Variants in ATM observed in about 807,000 individuals in gnomAD.
The protein encoded by ATM is ATM serine/threonine kinase.
A neutral mutation model predicts 387.0 loss-of-function variants in ATM; 308 were observed. The ratio of observed to expected loss-of-function variants is 0.80; its 90% CI spans 0.73 to 0.87. The LOEUF is 0.87. Among genes scored for constraint, ATM ranks in the 40% least tolerant of loss-of-function variants. The probability of loss-of-function intolerance (pLI) is 0.00; values close to 1 mark genes in which losing one functional copy is unlikely to be tolerated. For missense variants in ATM, 3,312 were observed against 3,560.9 expected (o/e 0.93, Z 1.78); for synonymous variants, 1,156 against 1,187.3 (o/e 0.97, Z 0.54).
In ATM at chr11:108,299,711, T is replaced by A. The variant is rs761297488; in HGVS notation, c.5006-3T>A. On this transcript the variant is annotated splice_polypyrimidine_tract_variant and splice_region_variant and intron_variant, in intron 33 of 62. Coordinates refer to ENST00000675843, the MANE Select transcript of ATM (RefSeq NM_000051.4). ...TCTACTGAAATAGAATTTCTATATGTAGAGGCTGTTGGAAGCTGCTTGGGA... is the reference window on the plus strand; with the variant it reads ...TCTACTGAAATAGAATTTCTATATGAAGAGGCTGTTGGAAGCTGCTTGGGA... The A allele has an allele frequency of 6.2e-7, 1 of 1,613,454 alleles. No homozygotes were observed. Among genetic ancestry groups the A allele is most frequent in the Non-Finnish European group, 8.5e-7 (1 of 1,179,682 alleles).
chr11:108,261,659 A>G (rs1250730877), intron 16 of ATM, among the ~76,000 whole-genome samples: 2 of 152,140 alleles, frequency 1.3e-5, no homozygotes, highest in Non-Finnish European at 2.9e-5. Context: ...CTGAGAGAAG[A>G]AGGCTTCAGA....
intron 54 of ATM, 38 bp downstream of exon 54, chr11:108,334,006 ATTTT>A: frequency 6.7e-7 from 1 of 1,487,610 alleles, no homozygotes; most frequent in East Asian, 2.3e-5. Context: ...TTTAAACTAA[ATTTT>A]TTTTATTAGA....
intron 52 of ATM, 85 bp from the exon 53 acceptor site, chr11:108,332,677 C>A: frequency 1.4e-6 from 2 of 1,402,966 alleles, no homozygotes; most frequent in Non-Finnish European, 9.8e-7. Flanking sequence ...TGCATAAATT[C>A]TGTTTTTCTC....
intron 17 of ATM, 100 bp from the exon 18 acceptor site, chr11:108,268,310 A>G (rs2081372733): frequency 5.2e-6 from 6 of 1,143,250 alleles, no homozygotes; most frequent in African/African-American, 3.1e-5. Context: ...TTTGCTTTTC[A>G]TATACTTTTT....
chr11:108,257,511 ACT>A lies in ATM; in HGVS notation c.2284_2285del (p.Leu762ValfsTer2), dbSNP rs587781658. 1.7e-5 allele frequency: 27 copies of A among 1,613,674 alleles called. No individual in the cohort carries two copies. The highest frequency in any genetic ancestry group is 2.1e-5 in the Non-Finnish European group (25 of 1,179,798). On this transcript the variant is annotated frameshift_variant, in exon 15 of 63. Coordinates refer to ENST00000675843, the MANE Select transcript of ATM (RefSeq NM_000051.4). LOFTEE classifies it high-confidence loss of function. The part of the protein sequence containing the change: ...SLMQCAGESI[T>X]LFKNKTNEEF... Reference sequence around the variant, plus strand: ...AATGCAATGTGCAGGAGAAAGTATCACTCTGTTTAAAAATAAGACAAATGAGG... The same window carrying A: ...AATGCAATGTGCAGGAGAAAGTATCACTGTTTAAAAATAAGACAAATGAGG...
chr11:108,345,923 C>T lies in ATM; in HGVS notation c.8584+15C>T. On this transcript the variant is annotated intron_variant, in intron 58 of 62. Transcript: ENST00000675843. The stretch of plus-strand genomic sequence containing the variant: ...TTCTTCTATTGGTAATCTTCTTGTA[C>T]ATATAGTAGATTGAGCACTTTGTTG... 1 of 1,612,972 alleles carries T rather than the reference C, an allele frequency of 6.2e-7. No homozygotes were observed. The highest frequency in any genetic ancestry group is 8.5e-7 in the Non-Finnish European group (1 of 1,179,226).
chr11:108,347,170 AAAC>A, intron 58 of ATM, 106 bp from the exon 59 acceptor site: 2 of 890,366 alleles, frequency 2.2e-6, no homozygotes, highest in East Asian at 5.0e-5. Context: ...TAAAAATCCT[AAAC>A]TACTTAAAGA....
intron 4 of ATM, among the ~76,000 whole-genome samples, chr11:108,235,436 A>T (rs1410329159): frequency 6.6e-6 from 1 of 152,222 alleles, no homozygotes; most frequent in African/African-American, 2.4e-5. Flanking sequence ...TAATTACAAA[A>T]GCAGCCATAA....
Position 108,348,725 on chromosome 11 carries a change from T to G in ATM, c.8671+1360T>G, listed in dbSNP as rs544378358. 8.7e-3 allele frequency among the ~76,000 whole-genome samples: 1,317 copies of G among 152,200 alleles called. 13 individuals carry two copies. The highest frequency in any genetic ancestry group is 9.9e-3 in the Non-Finnish European group (674 of 67,970). On this transcript the variant is annotated intron_variant, in intron 59 of 62. Coordinates refer to ENST00000675843, the MANE Select transcript of ATM (RefSeq NM_000051.4). ...CAGGTTTCATTATTTTCCAAAGAAATTCTCAGAAAATAATATATTGAGAGG... is the reference window on the plus strand; with the variant it reads ...CAGGTTTCATTATTTTCCAAAGAAAGTCTCAGAAAATAATATATTGAGAGG...
At position 108,272,536 on chromosome 11, in the gene ATM, C is replaced by G. The variant is rs1263930458; in HGVS notation, c.3082C>G (p.Leu1028Val). 1 of 1,611,308 alleles carries G rather than the reference C, an allele frequency of 6.2e-7. No individual in the cohort carries two copies. The highest frequency in any genetic ancestry group is 1.1e-5 in the South Asian group (1 of 91,006). ...GGAAAACTTACTTGATTTCAGGCAT[C>G]TAACAAAGGAGAGGAAATATATATT... ...FLTVIGAFWH[L>V]TKERKYIFSV... The change falls in exon 21 of 63, where the codon CTA (leucine) becomes GTA (valine). Residue 1028 changes from leucine (L) to valine (V), a missense_variant. Physicochemically the swap from Leu to Val is conservative, Grantham distance 32. Transcript: ENST00000675843.
At chr11:108,329,620 A>G (rs2086052121) in intron 49 of ATM, among the ~76,000 whole-genome samples, 1 of 152,142 alleles carries the variant, frequency 6.6e-6, no homozygotes, top group South Asian at 2.1e-4. Flanking sequence ...CATGTTGCCC[A>G]GGTTGGTCTC....
At chr11:108,257,949 G>A (rs900864627) in intron 15 of ATM, among the ~76,000 whole-genome samples, 1 of 151,914 alleles carries the variant, frequency 6.6e-6, no homozygotes, top group Admixed American at 6.6e-5. Context: ...CTGCGATCCA[G>A]CAGCCTCGAC....
chr11:108,331,609 C>A (rs1425790126), intron 51 of ATM, 52 bp downstream of exon 51: 1 of 1,440,210 alleles, frequency 6.9e-7, no homozygotes, highest in African/African-American at 1.4e-5. Flanking sequence ...TCTATTATTA[C>A]TATATATTAT....
At position 108,368,547 on chromosome 11, in the gene ATM, A is replaced by C. The variant is rs1258063242; in HGVS notation, c.*3039A>C. ...AAGTTGTCCAAGGCAAGAAGATAGT[A>C]AATTATAAGTACAAGTGTAATATGG... On this transcript the variant is annotated 3_prime_UTR_variant, in exon 63 of 63. Coordinates refer to ENST00000675843, the MANE Select transcript of ATM (RefSeq NM_000051.4). 9.2e-6 allele frequency: 2 copies of C among 216,950 alleles called. No individual in the cohort carries two copies. The highest frequency in any genetic ancestry group is 4.5e-5 in the African/African-American group (2 of 44,472). 13.4% of individuals were successfully genotyped at this position (216,950 alleles called of 1,614,324 possible). A position where few individuals can be genotyped will look rare whatever the true frequency, so the allele number is the denominator to read the frequency against.
rs777925486 is a variant in ATM, at chr11:108,331,470, T to C, written c.7542T>C (p.Tyr2514=). The change falls in exon 51 of 63, where the codon TAT becomes TAC. Residue 2514 remains tyrosine, a synonymous_variant. Coordinates refer to ENST00000675843, the MANE Select transcript of ATM (RefSeq NM_000051.4). Reference sequence around the variant, plus strand: ...GAGACGGAATGAAGATTCCAACATATAAATTTTTGCCTCTTATGTACCAAT... The same window carrying C: ...GAGACGGAATGAAGATTCCAACATACAAATTTTTGCCTCTTATGTACCAAT... ...MKRDGMKIPT[Y]KFLPLMYQLA... is the part of the protein sequence containing the mutation. 1.6e-5 allele frequency: 26 copies of C among 1,613,372 alleles called. No individual in the cohort carries two copies. The highest frequency in any genetic ancestry group is 6.7e-5 in the Admixed American group (4 of 59,956).
rs1565447318 is a variant in ATM at position 108,284,318 on chromosome 11, A to G, written c.3838A>G (p.Lys1280Glu). The change falls in exon 26 of 63, where the codon AAA becomes GAA. Residue 1280 changes from lysine to glutamate, a missense_variant. This residue lies in a region of ATM where 1,791 missense variants were observed against 1,804.5 expected (regional missense o/e 0.99). Coordinates refer to ENST00000675843, the MANE Select transcript of ATM (RefSeq NM_000051.4). ...TGCTAATCAGATTCAAGAGGACTGG[A>G]AAAGTCTTCTAACAGACTGCTTTCC... The part of the protein sequence containing the change: ...SIANQIQEDW[K>E]SLLTDCFPKI... The G allele has an allele frequency of 3.1e-6, 5 of 1,613,998 alleles. No individual in the cohort carries two copies. Among genetic ancestry groups the G allele is most frequent in the Non-Finnish European group, 4.2e-6 (5 of 1,179,900 alleles).
At chr11:108,303,642 G>A (rs1159569199) in intron 36 of ATM, among the ~76,000 whole-genome samples, 2 of 152,118 alleles carry the variant, frequency 1.3e-5, no homozygotes, top group Non-Finnish European at 2.9e-5. Context: ...TGATAGAGAA[G>A]TATTTTCGTA....
Position 108,325,372 on chromosome 11 carries a change from T to C in ATM, c.6635T>C (p.Leu2212Pro). The change falls in exon 46 of 63, where the codon CTC (leucine) becomes CCC (proline). Residue 2212 changes from leucine to proline, a missense_variant. Coordinates refer to ENST00000675843, the MANE Select transcript of ATM (RefSeq NM_000051.4). ...AAGTGGCAGAAACACTCCCAGCTTC[T>C]CAAGGACAGTGATTTTAGTTTTCAG... is the stretch of plus-strand genomic sequence containing the variant. The part of the protein sequence containing the change: ...YIKWQKHSQL[L>P]KDSDFSFQEP... The C allele has an allele frequency of 1.2e-6, 2 of 1,613,184 alleles. No homozygotes were observed. Among genetic ancestry groups the C allele is most frequent in the Non-Finnish European group, 1.7e-6 (2 of 1,179,786 alleles).
intron 37 of ATM, among the ~76,000 whole-genome samples, chr11:108,306,352 T>C (rs1359193790): frequency 2.6e-5 from 4 of 152,228 alleles, no homozygotes; most frequent in African/African-American, 9.6e-5. Flanking sequence ...ATAGAGGCTT[T>C]GTAAACTATC....
Sources: allele counts gnomAD v4.1 joint callset (sites outside exome capture counted in the v4.1 genomes callset), GRCh38; gene constraint gnomAD v4.1.1; regional missense constraint gnomAD v4.1.1; transcripts MANE v1.5; gene names NCBI Gene and HGNC (gene_info 2026-07-23, HGNC 2026-07-21).